The following GLUD1 variants were observed in gnomAD, a reference collection of about 807,000 sequenced individuals.
The protein encoded by GLUD1 is glutamate dehydrogenase 1, also known as glutamate dehydrogenase 1, mitochondrial.
GLUD1 carries 22 observed loss-of-function variants against 56.0 expected under a neutral mutation model. The observed-to-expected ratio is 0.39, with a 90% CI of 0.28 to 0.56. The LOEUF (loss-of-function observed/expected upper bound fraction) is 0.56. GLUD1 is among the 20% of genes least tolerant of loss of function. The pLI is 0.58. For missense variants in GLUD1, 451 were observed against 732.0 expected, an observed-to-expected ratio of 0.62 and a Z score of 4.43; for synonymous variants, 223 against 269.9, an observed-to-expected ratio of 0.83 and a Z score of 1.70.
intron 1 of GLUD1, among the ~76,000 whole-genome samples, chr10:87,080,467 T>A (rs11202321): frequency 4.6e-4 from 62 of 134,926 alleles, no homozygotes; most frequent in East Asian, 2.8e-3. Flanking sequence ...GTCTCTGCCC[T>A]GCCGCCATCC....
chr10:87,070,101 G>C (rs1014395923), intron 4 of GLUD1, among the ~76,000 whole-genome samples: 2 of 152,156 alleles, frequency 1.3e-5, no homozygotes, highest in Admixed American at 1.3e-4. Context: ...TCTTTCTAGA[G>C]GTAACTACAA....
chr10:87,077,724 G>A (rs777016153), intron 1 of GLUD1, among the ~76,000 whole-genome samples: 4 of 151,960 alleles, frequency 2.6e-5, no homozygotes, highest in Non-Finnish European at 5.9e-5. Context: ...TCAATCCCAA[G>A]GAGGAAAGTC....
At chr10:87,078,133 A>C (rs937651724) in intron 1 of GLUD1, among the ~76,000 whole-genome samples, 9 of 152,208 alleles carry the variant, frequency 5.9e-5, no homozygotes, top group Admixed American at 4.6e-4. Flanking sequence ...GAACATACTT[A>C]TTTGGTCTAC....
chr10:87,094,272 G>C lies in GLUD1; in HGVS notation c.445+53C>G. ...CCCCGCACCGGCAGGAGGCCGGAGG[G>C]GAGGGCCGCAGGGGAGGCAGGGAGG... On this transcript the variant is annotated intron_variant, in intron 1 of 12. Transcript: ENST00000277865. This position sits in a 1 kb window ranked among gnomAD's most constrained non-coding sequence, Gnocchi z 6.6. 1 of 1,546,782 alleles carries C rather than the reference G, an allele frequency of 6.5e-7. No individual in the cohort carries two copies. Among genetic ancestry groups the C allele is most frequent in the Non-Finnish European group, 8.7e-7 (1 of 1,143,796 alleles).
At chr10:87,089,830 G>T in intron 1 of GLUD1, 1 of 463,804 alleles carries the variant, frequency 2.2e-6, no homozygotes, top group Non-Finnish European at 2.8e-6. Context: ...TAACTAGTCA[G>T]TTTTAGACAG....
Position 87,057,664 on chromosome 10 carries a change from G to A in GLUD1, c.1494+27C>T, listed in dbSNP as rs781559964. The A allele has an allele frequency of 1.7e-5, 19 of 1,142,514 alleles. No homozygotes were observed. The East Asian group carries it at 4.4e-4, about 27-fold the overall frequency. The allele number at this position is 1,142,514 out of a possible 1,614,324, so 70.8% of individuals were successfully genotyped here. On this transcript the variant is annotated intron_variant, in intron 11 of 12. Transcript: ENST00000277865. ...GGAAAGAGCAGGGAGCATGTGTGAAGTACAACTGTGGGGTCACCACACTCA... is the reference window on the plus strand; with the variant it reads ...GGAAAGAGCAGGGAGCATGTGTGAAATACAACTGTGGGGTCACCACACTCA...
At position 87,051,176 on chromosome 10, in the gene GLUD1, A is replaced by T. The variant is rs1419328792; in HGVS notation, c.*575T>A. The T allele has an allele frequency of 5.8e-6, 1 of 172,458 alleles. No homozygotes were observed. The highest frequency in any genetic ancestry group is 1.4e-5 in the Non-Finnish European group (1 of 71,042). 10.7% of individuals were successfully genotyped at this position (172,458 alleles called of 1,614,324 possible). On this transcript the variant is annotated 3_prime_UTR_variant, in exon 13 of 13. Coordinates refer to ENST00000277865, the MANE Select transcript of GLUD1 (RefSeq NM_005271.5). Reference sequence around the variant, plus strand: ...TAGGCTTGTTAAGTGATTAAAGGCAATTTTATTACAGCAGCATGTACTTAT... The same window carrying T: ...TAGGCTTGTTAAGTGATTAAAGGCATTTTTATTACAGCAGCATGTACTTAT...
At chr10:87,053,532 T>C (rs1347404830) in intron 11 of GLUD1, 128 bp from the exon 12 acceptor site, 14 of 714,766 alleles carry the variant, frequency 2.0e-5, no homozygotes, top group Non-Finnish European at 3.1e-5. Context: ...AGCTAAGATA[T>C]GTCATTTCTG....
Position 87,063,065 on chromosome 10 carries a change from T to TTTTG in GLUD1, c.742-234_742-231dup, listed in dbSNP as rs1554906589. Among the ~76,000 whole-genome samples, 13 of 145,698 alleles carry TTTTG rather than the reference T, an allele frequency of 8.9e-5. No homozygotes were observed. In the South Asian group the frequency reaches 1.5e-3, roughly 17 times the overall value. On this transcript the variant is annotated intron_variant, in intron 5 of 12. Coordinates refer to ENST00000277865, the MANE Select transcript of GLUD1 (RefSeq NM_005271.5). ...AATATACTATATTTTCTGTTTTTTT[T>TTTTG]TTTGTTTGTTTGTTTGTTTGTTTTT...
intron 1 of GLUD1, among the ~76,000 whole-genome samples, chr10:87,082,392 T>C (rs1431480846): frequency 6.6e-6 from 1 of 152,230 alleles, no homozygotes. Context: ...TTAAGTTTTC[T>C]TTCCCAGCTA....
At position 87,052,668 on chromosome 10, in the gene GLUD1, T is replaced by TAA. The variant is rs1285140190; in HGVS notation, c.1557+673_1557+674insTT. ...CTGGGCAACAGGGCAAAACTCCGTC[T>TAA]CAAAAAAAAAAAAAAAAAAAAAAAA... On this transcript the variant is annotated intron_variant, in intron 12 of 12. Coordinates refer to ENST00000277865, the MANE Select transcript of GLUD1 (RefSeq NM_005271.5). Among the ~76,000 whole-genome samples, 131 of 16,562 alleles carry TAA rather than the reference T, an allele frequency of 7.9e-3. 2 individuals carry two copies. The highest frequency in any genetic ancestry group is 0.016 in the African/African-American group (120 of 7,660). The allele number at this position is 16,562 out of a possible 152,430, so 10.9% of individuals were successfully genotyped here.
At chr10:87,081,676 G>A (rs1841258278) in intron 1 of GLUD1, among the ~76,000 whole-genome samples, 1 of 152,122 alleles carries the variant, frequency 6.6e-6, no homozygotes, top group African/African-American at 2.4e-5. Context: ...TGTAACATGT[G>A]CTGTGTCCAC....
Position 87,093,949 on chromosome 10 carries a change from T to C in GLUD1, c.445+376A>G, listed in dbSNP as rs1329586577. On this transcript the variant is annotated intron_variant, in intron 1 of 12. Transcript: ENST00000277865. ...GAGACTCACAAAAGCCCAAGAACAC[T>C]GACGAGGCATTATCACACGGGCAGG... 4 of 1,375,654 alleles carry C rather than the reference T, an allele frequency of 2.9e-6. No individual in the cohort carries two copies. The East Asian group carries it at 1.2e-4, about 40-fold the overall frequency. 85.2% of individuals were successfully genotyped at this position (1,375,654 alleles called of 1,614,324 possible).
intron 1 of GLUD1, among the ~76,000 whole-genome samples, chr10:87,087,292 C>T (rs898675191): frequency 3.3e-5 from 5 of 152,204 alleles, no homozygotes; most frequent in Non-Finnish European, 7.4e-5. Context: ...CCTACCCATA[C>T]ATGGATGCAT....
chr10:87,087,698 T>G (rs961499227), intron 1 of GLUD1, among the ~76,000 whole-genome samples: 23 of 152,228 alleles, frequency 1.5e-4, no homozygotes, highest in African/African-American at 5.5e-4. Flanking sequence ...TTACACACAG[T>G]TCCACTTCCT....
Position 87,094,623 on chromosome 10 carries a change from G to T in GLUD1, c.147C>A (p.Ala49=). 6.2e-7 allele frequency: 1 copy of T among 1,609,960 alleles called. No homozygotes were observed. Among genetic ancestry groups the T allele is most frequent in the East Asian group, 2.2e-5 (1 of 44,776 alleles). Residue 49 remains alanine, a synonymous_variant, in exon 1 of 13, where the codon GCC becomes GCA. Transcript: ENST00000277865. This position sits in a 1 kb window ranked among gnomAD's most constrained non-coding sequence, Gnocchi z 6.6. ...CCACCGCCTCGCTGTAGTGGCGCCG[G>T]GCGGCCAATGCCAGCCCCGGCTGCG... ...AAPQPGLALA[A]RRHYSEAVAD...
At chr10:87,081,412 C>CCCTCT (rs1304698428) in intron 1 of GLUD1, among the ~76,000 whole-genome samples, 3 of 152,122 alleles carry the variant, frequency 2.0e-5, no homozygotes, top group Non-Finnish European at 4.4e-5. Flanking sequence ...AGTGAGGAGC[C>CCCTCT]CCTCTGCCCA....
intron 5 of GLUD1, among the ~76,000 whole-genome samples, chr10:87,066,468 T>C (rs7075538): frequency 6.6e-6 from 1 of 152,202 alleles, no homozygotes; most frequent in African/African-American, 2.4e-5. Flanking sequence ...CACCTTTCTC[T>C]TTCTCAACTC....
At position 87,094,439 on chromosome 10, in the gene GLUD1, G is replaced by T; in HGVS notation, c.331C>A (p.Pro111Thr). ...RVRGILRIIK[P>T]CNHVLSLSFP... ...GAGAGACTCAGCACATGGTTGCAGG[G>T]CTTGATGATCCGCAGGATGCCGCGC... Residue 111 changes from proline to threonine, a missense_variant, in exon 1 of 13, where the codon CCC becomes ACC. Physicochemically the swap from Pro to Thr is conservative, Grantham distance 38 (BLOSUM62 -1). Transcript: ENST00000277865. This position sits in a 1 kb window ranked among gnomAD's most constrained non-coding sequence, Gnocchi z 6.6. 6.2e-7 allele frequency: 1 copy of T among 1,613,804 alleles called. No homozygotes were observed. Among genetic ancestry groups the T allele is most frequent in the Non-Finnish European group, 8.5e-7 (1 of 1,179,950 alleles).
Sources: gnomAD v4.1 joint callset for allele counts (sites outside exome capture counted in the v4.1 genomes callset) on GRCh38, gnomAD v4.1.1 for gene constraint, Gnocchi (gnomAD v3.1) non-coding constraint, MANE v1.5 for transcripts, NCBI Gene and HGNC (gene_info 2026-07-23, HGNC 2026-07-21) for gene names.